Variants in GGACT observed in about 807,000 individuals in gnomAD.
The protein encoded by GGACT is gamma-glutamylaminecyclotransferase.
For synonymous variants in GGACT, 118 were observed against 115.3 expected (o/e 1.02, Z -0.15); for missense variants, 241 against 233.2 (o/e 1.03, Z -0.22).
Position 100,530,967 on chromosome 13 carries a change from T to A in GGACT, c.*1163A>T, listed in dbSNP as rs1484577520. 1.3e-5 allele frequency: 2 copies of A among 152,212 alleles called. No individual in the cohort carries two copies. Among genetic ancestry groups the A allele is most frequent in the African/African-American group, 4.8e-5 (2 of 41,424 alleles). The allele number at this position is 152,212 out of a possible 1,614,324, so 9.4% of individuals were successfully genotyped here. A position where few individuals can be genotyped will look rare whatever the true frequency, so the allele number is the denominator to read the frequency against. On this transcript the variant is annotated 3_prime_UTR_variant, in exon 3 of 3. Coordinates refer to ENST00000683975, the MANE Select transcript of GGACT (RefSeq NM_001195087.2). ...TTTTTGTGTTTTTTGTGAAGCAAGT[T>A]TCCAATTAAGCAAAAGAAGCTAAAA...
intron 2 of GGACT, among the ~76,000 whole-genome samples, chr13:100,548,921 C>G (rs1056147980): frequency 6.6e-6 from 1 of 152,238 alleles, no homozygotes; most frequent in Non-Finnish European, 1.5e-5. Context: ...ATAAATGCAT[C>G]AGCATGAATT....
chr13:100,542,820 A>G (rs541541353), intron 2 of GGACT, among the ~76,000 whole-genome samples: 2 of 152,354 alleles, frequency 1.3e-5, no homozygotes, highest in South Asian at 4.1e-4. Flanking sequence ...TGAGAAAATA[A>G]GAAGACTCAT....
chr13:100,550,402 G>A (rs1156825467), intron 2 of GGACT, among the ~76,000 whole-genome samples: 1 of 125,944 alleles, frequency 7.9e-6, no homozygotes, highest in Non-Finnish European at 1.6e-5. Context: ...AATTAAATCC[G>A]AGCCGATTAT....
rs2088469483 is a variant in GGACT at position 100,534,884 on chromosome 13, C to T, written c.-10-2283G>A. Among the ~76,000 whole-genome samples the T allele has an allele frequency of 6.6e-6, 1 of 152,218 alleles. No individual in the cohort carries two copies. Among genetic ancestry groups the T allele is most frequent in the Non-Finnish European group, 1.5e-5 (1 of 68,034 alleles). ...TCTCCTGCACCCTCTCTCCCCTCAT[C>T]CAGGTGGCTCCTGCCCCGACCAGCG... On this transcript the variant is annotated intron_variant, in intron 2 of 2. Coordinates refer to ENST00000683975, the MANE Select transcript of GGACT (RefSeq NM_001195087.2). The surrounding 1 kb of genome is among the most constrained non-coding windows in gnomAD (Gnocchi z 4.9).
At chr13:100,535,070 C>T (rs1446153713) in intron 2 of GGACT, among the ~76,000 whole-genome samples, 2 of 152,238 alleles carry the variant, frequency 1.3e-5, no homozygotes, top group African/African-American at 4.8e-5. Flanking sequence ...TTTGGTCCAG[C>T]ACCTGCAGGT....
At position 100,530,468 on chromosome 13, in the gene GGACT, T is replaced by G. The variant is rs563089923; in HGVS notation, c.*1662A>C. The G allele has an allele frequency of 2.7e-4, 134 of 488,596 alleles. 2 individuals carry two copies. Among genetic ancestry groups the G allele is most frequent in the South Asian group, 1.9e-3 (89 of 47,754 alleles). The allele number at this position is 488,596 out of a possible 1,614,324, so 30.3% of individuals were successfully genotyped here. A position where few individuals can be genotyped will look rare whatever the true frequency, so the allele number is the denominator to read the frequency against. On this transcript the variant is annotated 3_prime_UTR_variant, in exon 3 of 3. Coordinates refer to ENST00000683975, the MANE Select transcript of GGACT (RefSeq NM_001195087.2). ...TTGCCCTTTCTTTGAATGAAGACAA[T>G]GTACACATAGGCGACAGGCTCTGCC...
intron 2 of GGACT, chr13:100,540,078 G>A (rs1161736977): frequency 6.4e-6 from 9 of 1,408,518 alleles, no homozygotes; most frequent in Admixed American, 5.0e-5. Flanking sequence ...CATCGAAGAC[G>A]CTCGCTTCAG....
chr13:100,533,317 G>C (rs1054234835), intron 2 of GGACT: 1 of 152,462 alleles, frequency 6.6e-6, no homozygotes, highest in African/African-American at 2.4e-5. Context: ...TGTGGTGGGC[G>C]CGGAGGTTGC....
At chr13:100,553,647 C>T (rs948686396) in intron 2 of GGACT, among the ~76,000 whole-genome samples, 5 of 152,158 alleles carry the variant, frequency 3.3e-5, no homozygotes, top group Admixed American at 2.0e-4. Flanking sequence ...AGTTCGGGAC[C>T]AGCCTGGCCA....
rs951481400 is a variant in GGACT, at chr13:100,531,439, G to T, written c.*691C>A. 6.6e-6 allele frequency: 1 copy of T among 152,224 alleles called. No individual in the cohort carries two copies. Among genetic ancestry groups the T allele is most frequent in the Non-Finnish European group, 1.5e-5 (1 of 68,050 alleles). The allele number at this position is 152,224 out of a possible 1,614,324, so 9.4% of individuals were successfully genotyped here. A position where few individuals can be genotyped will look rare whatever the true frequency, so the allele number is the denominator to read the frequency against. On this transcript the variant is annotated 3_prime_UTR_variant, in exon 3 of 3. Coordinates refer to ENST00000683975, the MANE Select transcript of GGACT (RefSeq NM_001195087.2). The stretch of plus-strand genomic sequence containing the variant: ...CCACTTGAAGTCCGGGCGCTCAGCT[G>T]TGTCTACCAGCAAGTGGGTGTTCAT...
At chr13:100,547,164 C>G (rs934204572) in intron 2 of GGACT, among the ~76,000 whole-genome samples, 1 of 152,208 alleles carries the variant, frequency 6.6e-6, no homozygotes, top group African/African-American at 2.4e-5. Flanking sequence ...ACAACCAGGT[C>G]TCCAGACCCT....
chr13:100,569,188 C>G (rs1391068148), intron 2 of GGACT, among the ~76,000 whole-genome samples: 1 of 152,238 alleles, frequency 6.6e-6, no homozygotes, highest in Non-Finnish European at 1.5e-5. Context: ...AGGCAGTGCC[C>G]CAGTGGGGAC....
intron 2 of GGACT, among the ~76,000 whole-genome samples, chr13:100,559,569 A>G (rs984197661): frequency 6.6e-6 from 1 of 151,864 alleles, no homozygotes; most frequent in Non-Finnish European, 1.5e-5. Flanking sequence ...ATCTCGGCTC[A>G]CTGCAACCTC....
rs35223398 is a variant in GGACT at position 100,580,992 on chromosome 13, C to G, written c.-11+2833G>C. Among the ~76,000 whole-genome samples, 717 of 152,332 alleles carry G rather than the reference C, an allele frequency of 4.7e-3. 3 individuals carry two copies. Among genetic ancestry groups the G allele is most frequent in the Non-Finnish European group, 6.5e-3 (439 of 68,036 alleles). On this transcript the variant is annotated intron_variant, in intron 2 of 2. Transcript: ENST00000683975. Reference sequence around the variant, plus strand: ...GCCACAGGCAATGGGAGCCACGTTTCTCACTGTTGGAATGGGAGGTGAGAG... The same window carrying G: ...GCCACAGGCAATGGGAGCCACGTTTGTCACTGTTGGAATGGGAGGTGAGAG...
At chr13:100,560,282 A>G (rs1422635721) in intron 2 of GGACT, among the ~76,000 whole-genome samples, 2 of 152,214 alleles carry the variant, frequency 1.3e-5, no homozygotes, top group Non-Finnish European at 2.9e-5. Context: ...AAAAAGCTGA[A>G]TTATTTTGGG....
At chr13:100,582,078 T>C (rs1268001374) in intron 2 of GGACT, among the ~76,000 whole-genome samples, 1 of 152,252 alleles carries the variant, frequency 6.6e-6, no homozygotes, top group Non-Finnish European at 1.5e-5. Context: ...TTTCCCTGTC[T>C]CTGTCTGTTG....
At chr13:100,567,500 T>TG (rs1269101250) in intron 2 of GGACT, among the ~76,000 whole-genome samples, 1 of 152,220 alleles carries the variant, frequency 6.6e-6, no homozygotes, top group Non-Finnish European at 1.5e-5. Context: ...GTCCCAGCCC[T>TG]GGCATCAGCC....
At chr13:100,578,647 A>G (rs1369387693) in intron 2 of GGACT, among the ~76,000 whole-genome samples, 1 of 152,232 alleles carries the variant, frequency 6.6e-6, no homozygotes, top group East Asian at 1.9e-4. Context: ...ATGCCGTCAA[A>G]CCATTCTTTG....
chr13:100,555,850 T>C (rs548062905), intron 2 of GGACT, among the ~76,000 whole-genome samples: 1 of 152,328 alleles, frequency 6.6e-6, no homozygotes, highest in South Asian at 2.1e-4. Context: ...GTCAATGAAT[T>C]GCCATGCCAT....
Sources: gnomAD v4.1 joint callset for allele counts (sites outside exome capture counted in the v4.1 genomes callset) on GRCh38, gnomAD v4.1.1 for gene constraint, Gnocchi (gnomAD v3.1) non-coding constraint, MANE v1.5 for transcripts, NCBI Gene and HGNC (gene_info 2026-07-23, HGNC 2026-07-21) for gene names.